Variants in MAPK10 observed in about 807,000 individuals in gnomAD.
The protein encoded by MAPK10 is mitogen-activated protein kinase 10, also known as JNK3 alpha protein kinase.
A neutral mutation model predicts 59.3 loss-of-function variants in MAPK10; 25 were observed. That is an observed-to-expected ratio of 0.42 (90% CI 0.31 to 0.59). The LOEUF (loss-of-function observed/expected upper bound fraction) is 0.59, where lower values mean the gene tolerates loss of function less well. Ranked by LOEUF, MAPK10 falls within the 20% of genes least tolerant of loss-of-function variation. The pLI is 0.15. For synonymous variants in MAPK10, 190 were observed against 200.5 expected (o/e 0.95, Z 0.44); for missense variants, 351 against 568.9 (o/e 0.62, Z 3.90).
intron 1 of MAPK10, among the ~76,000 whole-genome samples, chr4:86,420,702 T>C (rs559096887): frequency 5.3e-5 from 8 of 152,216 alleles, no homozygotes; most frequent in African/African-American, 1.9e-4. Flanking sequence ...GGTGGGAGGA[T>C]CTCTTGAGCC....
intron 2 of MAPK10, among the ~76,000 whole-genome samples, chr4:86,345,539 C>T (rs1727622592): frequency 1.3e-5 from 2 of 152,118 alleles, no homozygotes; most frequent in Non-Finnish European, 2.9e-5. Flanking sequence ...CCAATATACT[C>T]GGTGAAACTA....
intron 11 of MAPK10, among the ~76,000 whole-genome samples, chr4:86,063,816 C>A (rs985795381): frequency 6.6e-6 from 1 of 152,030 alleles, no homozygotes; most frequent in East Asian, 1.9e-4. Flanking sequence ...AGCCACCAAT[C>A]GTTTTAATCA....
chr4:86,051,131 C>A (rs966954779), intron 11 of MAPK10, among the ~76,000 whole-genome samples: 1 of 152,102 alleles, frequency 6.6e-6, no homozygotes, highest in African/African-American at 2.4e-5. Context: ...CTACAAACAA[C>A]CCTCTGAGTC....
At chr4:86,247,445 C>T (rs2093168193) in intron 2 of MAPK10, among the ~76,000 whole-genome samples, 1 of 152,154 alleles carries the variant, frequency 6.6e-6, no homozygotes, top group African/African-American at 2.4e-5. Context: ...TGAGTTTTTT[C>T]CTCTCCAGGA....
Position 86,101,985 on chromosome 4 carries a change from T to C in MAPK10, c.473A>G (p.Gln158Arg). The C allele has an allele frequency of 1.9e-6, 3 of 1,613,972 alleles. No individual in the cohort carries two copies. Among genetic ancestry groups the C allele is most frequent in the South Asian group, 1.1e-5 (1 of 91,086 alleles). ...LMDANLCQVI[Q>R]MELDHERMSY... ...CATTCGCTCATGGTCTAATTCCATC[T>C]GAATCACTTGACATAAGTTGGCATC... Residue 158 changes from glutamine to arginine, a missense_variant, in exon 7 of 14, where the codon CAG becomes CGG. Coordinates refer to ENST00000641462, the MANE Select transcript of MAPK10 (RefSeq NM_138982.4).
In MAPK10 at chr4:86,112,784, C is replaced by T. The variant is rs964761416; in HGVS notation, c.237-5432G>A. ...GAATATCTTTGTTAATTTTTTGTCT[C>T]GATGATCTGCCTAATATTGACAGTG... On this transcript the variant is annotated intron_variant, in intron 4 of 13. Transcript: ENST00000641462. Among the ~76,000 whole-genome samples, 11 of 152,110 alleles carry T rather than the reference C, an allele frequency of 7.2e-5. No individual in the cohort carries two copies. In the South Asian group the frequency reaches 1.5e-3, roughly 20 times the overall value.
rs571401046 is a variant in MAPK10 at position 86,411,387 on chromosome 4, G to A, written c.-122+41643C>T. Among the ~76,000 whole-genome samples, 5 of 152,254 alleles carry A rather than the reference G, an allele frequency of 3.3e-5. No homozygotes were observed. The South Asian group carries it at 1.0e-3, about 32-fold the overall frequency. Reference sequence around the variant, plus strand: ...GAAGAATGTATACTCTGTTGATTTGGGGTGGAGAGTTGTGTAGATGTCTAT... The same window carrying A: ...GAAGAATGTATACTCTGTTGATTTGAGGTGGAGAGTTGTGTAGATGTCTAT... On this transcript the variant is annotated intron_variant, in intron 1 of 13. Coordinates refer to the MAPK10 transcript ENST00000361569.
intron 2 of MAPK10, among the ~76,000 whole-genome samples, chr4:86,279,830 G>T (rs946195510): frequency 3.1e-4 from 47 of 152,124 alleles, no homozygotes; most frequent in African/African-American, 1.0e-3. Context: ...TGGAAATCAG[G>T]CTGTGAGCTT....
At chr4:86,126,164 A>T (rs766548810) in intron 4 of MAPK10, among the ~76,000 whole-genome samples, 3 of 151,914 alleles carry the variant, frequency 2.0e-5, no homozygotes, top group Non-Finnish European at 4.4e-5. Flanking sequence ...GACTCCTAAC[A>T]TCTCTTGCCT....
In MAPK10 at chr4:86,277,921, GA is replaced by G. The variant is rs376550711; in HGVS notation, c.-7+76608del. On this transcript the variant is annotated intron_variant, in intron 2 of 13. Coordinates refer to ENST00000641462, the MANE Select transcript of MAPK10 (RefSeq NM_138982.4). ...GAAAAAACAAGCACACACAAACATG[GA>G]ATACTACTCCTAAGGATGCAAAAAA... Among the ~76,000 whole-genome samples the G allele has an allele frequency of 3.6e-3, 541 of 152,128 alleles. 4 individuals carry two copies. Among genetic ancestry groups the G allele is most frequent in the African/African-American group, 0.012 (516 of 41,516 alleles).
intron 1 of MAPK10, among the ~76,000 whole-genome samples, chr4:86,563,756 C>G (rs1454037390): frequency 6.6e-6 from 1 of 152,182 alleles, no homozygotes; most frequent in Non-Finnish European, 1.5e-5. Flanking sequence ...GACAAGAGGA[C>G]ATTCACATCC....
chr4:86,273,754 G>A lies in MAPK10; in HGVS notation c.-6-79347C>T, dbSNP rs190368790. Among the ~76,000 whole-genome samples the A allele has an allele frequency of 5.8e-3, 883 of 152,044 alleles. 8 individuals carry two copies. Among genetic ancestry groups the A allele is most frequent in the African/African-American group, 0.02 (831 of 41,506 alleles). ...AAATAACTTAGGGGGTAAAGCATTG[G>A]TGCTTTTCCTTATAGTTGTGAGTTG... On this transcript the variant is annotated intron_variant, in intron 2 of 13. Coordinates refer to ENST00000641462, the MANE Select transcript of MAPK10 (RefSeq NM_138982.4).
chr4:86,479,613 G>A (rs187197459), intron 1 of MAPK10, among the ~76,000 whole-genome samples: 1,555 of 152,090 alleles, frequency 0.01, 9 homozygotes, highest in South Asian at 0.027. Context: ...CACAGCTGAT[G>A]TCTCCTGGTG....
At chr4:86,212,154 G>T (rs1175104885) in intron 2 of MAPK10, among the ~76,000 whole-genome samples, 1 of 148,760 alleles carries the variant, frequency 6.7e-6, no homozygotes, top group East Asian at 1.9e-4. Flanking sequence ...TGGGCAGAAT[G>T]GATTTAAAAA....
intron 2 of MAPK10, among the ~76,000 whole-genome samples, chr4:86,194,921 T>C (rs1211870615): frequency 6.6e-6 from 1 of 151,988 alleles, no homozygotes; most frequent in Non-Finnish European, 1.5e-5. Flanking sequence ...TTGTAACAGA[T>C]ATAAGGAATA....
intron 1 of MAPK10, among the ~76,000 whole-genome samples, chr4:86,487,467 C>T (rs1754093835): frequency 1.3e-5 from 2 of 152,006 alleles, no homozygotes; most frequent in Non-Finnish European, 2.9e-5. Context: ...CGGTGGCTCA[C>T]ACCTGTAATC....
At chr4:86,467,492 T>C (rs1470232632) in intron 1 of MAPK10, among the ~76,000 whole-genome samples, 1 of 151,672 alleles carries the variant, frequency 6.6e-6, no homozygotes, top group Non-Finnish European at 1.5e-5. Flanking sequence ...ACCTGAGCCC[T>C]GTTATCCTGG....
intron 1 of MAPK10, among the ~76,000 whole-genome samples, chr4:86,434,427 G>A (rs1261931138): frequency 1.3e-5 from 2 of 152,138 alleles, no homozygotes; most frequent in Admixed American, 1.3e-4. Context: ...AATATGTACA[G>A]AACTCAAACA....
At chr4:86,467,976 A>C (rs926181317) in intron 1 of MAPK10, among the ~76,000 whole-genome samples, 4 of 152,038 alleles carry the variant, frequency 2.6e-5, no homozygotes, top group African/African-American at 4.8e-5. Context: ...CTAAATTCCC[A>C]TTCTTTGCCT....
Sources: gnomAD v4.1 joint callset for allele counts (sites outside exome capture counted in the v4.1 genomes callset) on GRCh38, gnomAD v4.1.1 for gene constraint, MANE v1.5 for transcripts, NCBI Gene and HGNC (gene_info 2026-07-23, HGNC 2026-07-21) for gene names.